LUZP2: variants seen among roughly 807,000 people sequenced by gnomAD.
The protein encoded by LUZP2 is leucine zipper protein 2.
LUZP2 carries 52 observed loss-of-function variants against 51.6 expected under a neutral mutation model. The observed-to-expected ratio is 1.01, with a 90% CI of 0.81 to 1.27. The LOEUF (loss-of-function observed/expected upper bound fraction) is 1.27. Ranked by LOEUF, LUZP2 falls within the 50% of genes most tolerant of loss-of-function variation. The pLI, the probability that LUZP2 is intolerant of heterozygous loss-of-function variation, is 0.00. For synonymous variants in LUZP2, 154 were observed against 137.3 expected, an observed-to-expected ratio of 1.12 and a Z score of -0.85; for missense variants, 436 against 395.4, an observed-to-expected ratio of 1.10 and a Z score of -0.87.
chr11:24,938,375 A>T (rs1854648849), intron 7 of LUZP2, among the ~76,000 whole-genome samples: 1 of 152,194 alleles, frequency 6.6e-6, no homozygotes, highest in African/African-American at 2.4e-5. Flanking sequence ...TGTCCTTTTC[A>T]ACTGCCTTTA....
intron 1 of LUZP2, among the ~76,000 whole-genome samples, chr11:24,516,877 C>G (rs1850483222): frequency 6.6e-6 from 1 of 152,108 alleles, no homozygotes; most frequent in Non-Finnish European, 1.5e-5. Flanking sequence ...TCCCTTAAGG[C>G]TATAAAATTT....
At chr11:24,699,128 C>CAT (rs779129609) in intron 1 of LUZP2, among the ~76,000 whole-genome samples, 3 of 146,306 alleles carry the variant, frequency 2.1e-5, no homozygotes, top group Non-Finnish European at 4.5e-5. Flanking sequence ...CACACACACA[C>CAT]GAAACAATAA....
chr11:24,596,925 G>T (rs1035664490), intron 1 of LUZP2, among the ~76,000 whole-genome samples: 6 of 152,158 alleles, frequency 3.9e-5, no homozygotes, highest in Non-Finnish European at 7.3e-5. Flanking sequence ...CTGTTTTTCA[G>T]CTGAAGTGTC....
chr11:24,994,480 A>C (rs540594933), intron 9 of LUZP2, among the ~76,000 whole-genome samples: 70 of 152,268 alleles, frequency 4.6e-4, no homozygotes, highest in African/African-American at 1.6e-3. Flanking sequence ...CAGTTCCATT[A>C]ATCTATATGC....
At chr11:24,528,863 C>T (rs2133819398) in intron 1 of LUZP2, among the ~76,000 whole-genome samples, 1 of 151,250 alleles carries the variant, frequency 6.6e-6, no homozygotes, top group South Asian at 2.1e-4. Flanking sequence ...AGTATAAAAT[C>T]CTGAAAGATA....
rs77266395 is a variant in LUZP2 at position 24,499,330 on chromosome 11, G to A, written c.62+2025G>A. 5.6e-3 allele frequency among the ~76,000 whole-genome samples: 847 copies of A among 152,204 alleles called. 7 individuals are homozygous for A. The highest frequency in any genetic ancestry group is 0.02 in the African/African-American group (819 of 41,520). ...ATTGAACAAATATGAAAAGCAATGC[G>A]GTACTATCAGTGTCATTTTGCAAAG... On this transcript the variant is annotated intron_variant, in intron 1 of 11. Transcript: ENST00000336930.
rs1859469013 is a variant in LUZP2, at chr11:25,081,896, A to G, written c.*3238A>G. ...AATAGAGGTACAACCAGAACCAACAATTGTATTTCTCTATAGTTATTTTAA... is the reference window on the plus strand; with the variant it reads ...AATAGAGGTACAACCAGAACCAACAGTTGTATTTCTCTATAGTTATTTTAA... On this transcript the variant is annotated 3_prime_UTR_variant, in exon 12 of 12. Coordinates refer to ENST00000336930, the MANE Select transcript of LUZP2 (RefSeq NM_001009909.4). The G allele has an allele frequency of 6.6e-6, 1 of 152,142 alleles. No homozygotes were observed. The highest frequency in any genetic ancestry group is 1.5e-5 in the Non-Finnish European group (1 of 67,998). The allele number at this position is 152,142 out of a possible 1,614,324, so 9.4% of individuals were successfully genotyped here. A position where few individuals can be genotyped will look rare whatever the true frequency, so the allele number is the denominator to read the frequency against.
intron 1 of LUZP2, among the ~76,000 whole-genome samples, chr11:24,669,962 C>A (rs571637043): frequency 1.3e-5 from 2 of 151,850 alleles, no homozygotes; most frequent in South Asian, 4.2e-4. Context: ...CTAGAGATGA[C>A]AATAAATTGT....
At chr11:24,518,981 C>T (rs958538894) in intron 1 of LUZP2, among the ~76,000 whole-genome samples, 22 of 152,152 alleles carry the variant, frequency 1.4e-4, no homozygotes, top group African/African-American at 4.3e-4. Flanking sequence ...GTTCAGGTGA[C>T]GTGAACAAGG....
At chr11:24,722,925 A>AAG (rs1366897925) in intron 1 of LUZP2, among the ~76,000 whole-genome samples, 4 of 151,802 alleles carry the variant, frequency 2.6e-5, no homozygotes, top group African/African-American at 4.8e-5. Context: ...TTAAAAAAAA[A>AAG]AGAGAGAGAG....
intron 4 of LUZP2, among the ~76,000 whole-genome samples, chr11:24,756,643 C>A (rs1366554113): frequency 6.6e-6 from 1 of 152,154 alleles, no homozygotes; most frequent in Non-Finnish European, 1.5e-5. Context: ...AACTGTCAAA[C>A]CATGTTTTTC....
At chr11:24,782,269 A>G (rs1849116648) in intron 5 of LUZP2, among the ~76,000 whole-genome samples, 1 of 152,064 alleles carries the variant, frequency 6.6e-6, no homozygotes, top group African/African-American at 2.4e-5. Context: ...TAGCATTAGA[A>G]GTATGGTCAG....
chr11:24,656,743 A>G (rs1855819036), intron 1 of LUZP2, among the ~76,000 whole-genome samples: 1 of 152,194 alleles, frequency 6.6e-6, no homozygotes, highest in Non-Finnish European at 1.5e-5. Context: ...CTCCAACTTT[A>G]AAGCCAGCAA....
At chr11:24,576,744 G>A (rs1333083154) in intron 1 of LUZP2, among the ~76,000 whole-genome samples, 1 of 151,924 alleles carries the variant, frequency 6.6e-6, no homozygotes, top group Non-Finnish European at 1.5e-5. Context: ...TTTTTAGAGT[G>A]TATATATAAA....
chr11:24,821,474 A>G (rs12419105), intron 5 of LUZP2, among the ~76,000 whole-genome samples: 54,456 of 151,974 alleles, frequency 0.36, 12,056 homozygotes, highest in Non-Finnish European at 0.5. Context: ...TACCGACTTC[A>G]TTGTAGTTTC....
chr11:24,666,607 A>C (rs1052707420), intron 1 of LUZP2, among the ~76,000 whole-genome samples: 3 of 152,138 alleles, frequency 2.0e-5, no homozygotes, highest in African/African-American at 7.3e-5. Flanking sequence ...AGCATTATCT[A>C]TAAAAGCTGT....
At chr11:25,075,615 C>T (rs141110474) in intron 10 of LUZP2, among the ~76,000 whole-genome samples, 1 of 152,158 alleles carries the variant, frequency 6.6e-6, no homozygotes, top group Admixed American at 6.5e-5. Flanking sequence ...TTGTTATAAG[C>T]ATTACCTTTA....
chr11:24,753,843 C>T (rs1018917864), intron 4 of LUZP2, among the ~76,000 whole-genome samples: 1 of 151,992 alleles, frequency 6.6e-6, no homozygotes, highest in African/African-American at 2.4e-5. Context: ...TAGCCATTAC[C>T]CCAGACAATG....
intron 1 of LUZP2, among the ~76,000 whole-genome samples, chr11:24,522,474 A>G (rs1307814389): frequency 3.9e-5 from 6 of 152,130 alleles, no homozygotes; most frequent in Non-Finnish European, 7.4e-5. Context: ...TCTTGCATGT[A>G]TGAACCAATA....
Sources: allele counts gnomAD v4.1 joint callset (sites outside exome capture counted in the v4.1 genomes callset), GRCh38; gene constraint gnomAD v4.1.1; transcripts MANE v1.5; gene names NCBI Gene and HGNC (gene_info 2026-07-23, HGNC 2026-07-21).